The following GRID1 variants were observed in gnomAD, a reference collection of about 807,000 sequenced individuals.
GRID1 encodes glutamate receptor ionotropic, delta-1.
In GRID1, 28 loss-of-function variants were observed where a neutral mutation model predicts 98.0. The ratio of observed to expected loss-of-function variants is 0.29; its 90% CI spans 0.21 to 0.39. The LOEUF is 0.39. GRID1 is among the 10% of genes least tolerant of loss of function. GRID1 has a pLI of 1.00. For synonymous variants in GRID1, 553 were observed against 538.5 expected, an observed-to-expected ratio of 1.03 and a Z score of -0.37; for missense variants, 1,111 against 1,340.5, an observed-to-expected ratio of 0.83 and a Z score of 2.67.
intron 4 of GRID1, among the ~76,000 whole-genome samples, chr10:85,946,885 T>C (rs1405902958): frequency 6.6e-6 from 1 of 151,760 alleles, no homozygotes; most frequent in Admixed American, 6.6e-5. Flanking sequence ...CAATAGTAGG[T>C]GAATATGAGA....
chr10:85,611,993 T>G (rs1334783720), intron 15 of GRID1, among the ~76,000 whole-genome samples: 6 of 152,130 alleles, frequency 3.9e-5, no homozygotes, highest in African/African-American at 1.4e-4. Flanking sequence ...GGCCCCAGCT[T>G]CACATTCCCT....
chr10:85,979,910 C>G (rs1285331274), intron 4 of GRID1, among the ~76,000 whole-genome samples: 1 of 152,232 alleles, frequency 6.6e-6, no homozygotes, highest in Non-Finnish European at 1.5e-5. Flanking sequence ...CCTAGCTGAT[C>G]TTCACTCATG....
At chr10:86,262,926 A>G (rs1042170994) in intron 2 of GRID1, among the ~76,000 whole-genome samples, 1 of 152,032 alleles carries the variant, frequency 6.6e-6, no homozygotes, top group Non-Finnish European at 1.5e-5. Context: ...CCAGGCCGGC[A>G]TCGCCCGCCC....
intron 2 of GRID1, among the ~76,000 whole-genome samples, chr10:86,294,198 G>C (rs113787383): frequency 6.6e-6 from 1 of 152,182 alleles, no homozygotes; most frequent in African/African-American, 2.4e-5. Context: ...CTCTAAGAGA[G>C]GTATACCGGT....
chr10:85,759,066 A>C (rs564803824), intron 8 of GRID1, among the ~76,000 whole-genome samples: 4 of 152,364 alleles, frequency 2.6e-5, no homozygotes, highest in Non-Finnish European at 5.9e-5. Context: ...CATAGTAAAC[A>C]TGATGGAGAT....
chr10:85,664,097 T>C (rs1840994781), intron 12 of GRID1, among the ~76,000 whole-genome samples: 2 of 152,174 alleles, frequency 1.3e-5, no homozygotes, highest in African/African-American at 4.8e-5. Flanking sequence ...CAGCAGAGCA[T>C]GACATGAAGG....
chr10:86,286,961 C>T (rs955000622), intron 2 of GRID1, among the ~76,000 whole-genome samples: 3 of 152,180 alleles, frequency 2.0e-5, no homozygotes, highest in Non-Finnish European at 2.9e-5. Flanking sequence ...ACAGACATGG[C>T]CACCTGGTGT....
chr10:86,128,982 C>G (rs1589381290), intron 4 of GRID1, among the ~76,000 whole-genome samples: 1 of 152,310 alleles, frequency 6.6e-6, no homozygotes, highest in African/African-American at 2.4e-5. Flanking sequence ...AACCAGAGCT[C>G]AGAAAGCCAC....
intron 8 of GRID1, among the ~76,000 whole-genome samples, chr10:85,825,254 G>A (rs771460297): frequency 5.3e-5 from 8 of 152,182 alleles, no homozygotes; most frequent in East Asian, 3.9e-4. Context: ...GTGATATTTC[G>A]CTGTGGTTTT....
chr10:85,972,474 T>C (rs952715052), intron 4 of GRID1, among the ~76,000 whole-genome samples: 1 of 148,154 alleles, frequency 6.7e-6, no homozygotes, highest in Non-Finnish European at 1.5e-5. Flanking sequence ...TATATAAATA[T>C]ATTAAATATA....
At chr10:86,183,352 T>TTATG (rs1183857826) in intron 3 of GRID1, among the ~76,000 whole-genome samples, 1 of 151,580 alleles carries the variant, frequency 6.6e-6, no homozygotes, top group African/African-American at 2.4e-5. Context: ...ATTTATTTAT[T>TTATG]TATTTATTTA....
intron 8 of GRID1, among the ~76,000 whole-genome samples, chr10:85,755,252 C>G (rs1253583394): frequency 2.6e-5 from 4 of 152,234 alleles, no homozygotes; most frequent in African/African-American, 9.6e-5. Flanking sequence ...CTTCAAGCAG[C>G]CACAATGTAT....
At chr10:85,710,994 G>T (rs1022295792) in intron 12 of GRID1, among the ~76,000 whole-genome samples, 1 of 151,970 alleles carries the variant, frequency 6.6e-6, no homozygotes, top group African/African-American at 2.4e-5. Flanking sequence ...GCAACAATTT[G>T]GAGAAATTGG....
chr10:85,774,918 C>T (rs1241051893), intron 8 of GRID1, among the ~76,000 whole-genome samples: 1 of 151,374 alleles, frequency 6.6e-6, no homozygotes, highest in Non-Finnish European at 1.5e-5. Context: ...GTCAGTGTGG[C>T]GATTCCTCAG....
intron 12 of GRID1, among the ~76,000 whole-genome samples, chr10:85,708,260 C>T (rs1055337857): frequency 2.6e-5 from 4 of 151,846 alleles, no homozygotes; most frequent in Non-Finnish European, 5.9e-5. Context: ...AAAAATTAGC[C>T]AGGCGTGGTG....
At chr10:85,958,969 A>AAAAGAAAGAAAG (rs1020855090) in intron 4 of GRID1, among the ~76,000 whole-genome samples, 5 of 151,062 alleles carry the variant, frequency 3.3e-5, no homozygotes, top group African/African-American at 9.7e-5. Flanking sequence ...AAAAAAAAAA[A>AAAAGAAAGAAAG]AAAGAAAGAA....
chr10:86,293,755 GCATTCATT>G (rs144132084), intron 2 of GRID1, among the ~76,000 whole-genome samples: 2 of 151,798 alleles, frequency 1.3e-5, no homozygotes, highest in African/African-American at 4.8e-5. Context: ...GGGGTGGAAT[GCATTCATT>G]CATTCATTCA....
chr10:85,890,831 C>T (rs1034664815), intron 5 of GRID1, among the ~76,000 whole-genome samples: 2 of 152,090 alleles, frequency 1.3e-5, no homozygotes, highest in Non-Finnish European at 2.9e-5. Context: ...TTTAGAATTA[C>T]ACACACATAC....
chr10:85,867,703 G>A (rs1843235089), intron 6 of GRID1, among the ~76,000 whole-genome samples: 1 of 152,198 alleles, frequency 6.6e-6, no homozygotes, highest in African/African-American at 2.4e-5. Flanking sequence ...CATGAGTGAT[G>A]CGGGGGCCTT....
Sources: allele counts gnomAD v4.1 joint callset (sites outside exome capture counted in the v4.1 genomes callset), GRCh38; gene constraint gnomAD v4.1.1; transcripts MANE v1.5; gene names NCBI Gene and HGNC (gene_info 2026-07-23, HGNC 2026-07-21).